Variants in CAMTA1 observed in about 807,000 individuals in gnomAD.
CAMTA1 encodes calmodulin-binding transcription activator 1.
In CAMTA1, 27 loss-of-function variants were observed where a neutral mutation model predicts 170.9. That is an observed-to-expected ratio of 0.16 (90% CI 0.12 to 0.22). CAMTA1 has a LOEUF of 0.22. CAMTA1 is among the 10% of genes least tolerant of loss of function. The probability of loss-of-function intolerance (pLI) is 1.00; values close to 1 mark genes in which losing one functional copy is unlikely to be tolerated. For missense variants in CAMTA1, 1,619 were observed against 2,217.2 expected (o/e 0.73, Z 5.42); for synonymous variants, 833 against 891.5 (o/e 0.93, Z 1.17).
chr1:6,871,610 T>C, intron 3 of CAMTA1: 1 of 575,358 alleles, frequency 1.7e-6, no homozygotes, highest in South Asian at 2.8e-5. Flanking sequence ...TAACAGGTAA[T>C]GAAAGTGTGG....
intron 4 of CAMTA1, among the ~76,000 whole-genome samples, chr1:7,207,988 A>G (rs574983985): frequency 5.7e-4 from 87 of 152,380 alleles, no homozygotes; most frequent in African/African-American, 1.9e-3. Flanking sequence ...TCCATGCTCA[A>G]TAAAATGCCA....
intron 6 of CAMTA1, among the ~76,000 whole-genome samples, chr1:7,510,067 C>T (rs2094182009): frequency 9.2e-6 from 1 of 109,204 alleles, no homozygotes; most frequent in Non-Finnish European, 2.2e-5. Flanking sequence ...TGTACAAGCT[C>T]CTGACCCAGT....
intron 6 of CAMTA1, among the ~76,000 whole-genome samples, chr1:7,481,662 C>A (rs2093536906): frequency 1.3e-5 from 2 of 152,320 alleles, no homozygotes; most frequent in South Asian, 4.1e-4. Flanking sequence ...AACATTTGAC[C>A]ATATCATTTG....
At chr1:6,950,551 C>T (rs778654809) in intron 3 of CAMTA1, among the ~76,000 whole-genome samples, 1 of 152,144 alleles carries the variant, frequency 6.6e-6, no homozygotes, top group South Asian at 2.1e-4. Flanking sequence ...ATGCTCACTG[C>T]AGGTGGGTGG....
At chr1:7,309,258 C>T (rs1269794091) in intron 5 of CAMTA1, among the ~76,000 whole-genome samples, 1 of 137,664 alleles carries the variant, frequency 7.3e-6, no homozygotes, top group East Asian at 2.1e-4. Context: ...TTCTGACAAT[C>T]TCTGTCTTTT....
At chr1:7,109,971 C>T (rs1418966131) in intron 4 of CAMTA1, among the ~76,000 whole-genome samples, 1 of 152,176 alleles carries the variant, frequency 6.6e-6, no homozygotes, top group Non-Finnish European at 1.5e-5. Flanking sequence ...GCAGATTTGG[C>T]CTCAGTGGCT....
chr1:7,290,006 C>G (rs751411047), intron 5 of CAMTA1, among the ~76,000 whole-genome samples: 8 of 152,226 alleles, frequency 5.3e-5, no homozygotes, highest in Non-Finnish European at 1.2e-4. Context: ...AGACTTCTGG[C>G]ATCCAGAACT....
rs2095505802 is a variant in CAMTA1, at chr1:7,609,063, G to C, written c.511-31337G>C. On this transcript the variant is annotated intron_variant, in intron 6 of 22. Coordinates refer to ENST00000303635, the MANE Select transcript of CAMTA1 (RefSeq NM_015215.4). This position sits in a 1 kb window ranked among gnomAD's most constrained non-coding sequence, Gnocchi z 4.4. Reference sequence around the variant, plus strand: ...TGCAGGCTGGGCCCCCCGCAGGGGTGGGGGCAGTGCTGAGTCACTTCCTGC... The same window carrying C: ...TGCAGGCTGGGCCCCCCGCAGGGGTCGGGGCAGTGCTGAGTCACTTCCTGC... Among the ~76,000 whole-genome samples, 1 of 152,114 alleles carries C rather than the reference G, an allele frequency of 6.6e-6. No homozygotes were observed.
chr1:6,850,519 G>A (rs990586349), intron 3 of CAMTA1, among the ~76,000 whole-genome samples: 4 of 152,170 alleles, frequency 2.6e-5, no homozygotes, highest in African/African-American at 9.7e-5. Flanking sequence ...TTTTCTGGTT[G>A]ATGATAGACT....
At chr1:7,301,020 T>C (rs1334473471) in intron 5 of CAMTA1, among the ~76,000 whole-genome samples, 1 of 152,172 alleles carries the variant, frequency 6.6e-6, no homozygotes, top group Non-Finnish European at 1.5e-5. Flanking sequence ...CGGTATTAAA[T>C]GCACTTTCTA....
At chr1:7,692,495 T>A (rs1472880250) in intron 11 of CAMTA1, among the ~76,000 whole-genome samples, 3 of 151,986 alleles carry the variant, frequency 2.0e-5, no homozygotes, top group Non-Finnish European at 4.4e-5. Context: ...CAGTCCCACA[T>A]TAGCCTGGTG....
intron 7 of CAMTA1, among the ~76,000 whole-genome samples, chr1:7,643,083 C>T (rs139254909): frequency 6.6e-6 from 1 of 152,012 alleles, no homozygotes; most frequent in Non-Finnish European, 1.5e-5. Context: ...AAAGGGTGAC[C>T]AGGGTCCAGG....
intron 7 of CAMTA1, among the ~76,000 whole-genome samples, chr1:7,658,221 C>T (rs1312905539): frequency 6.6e-6 from 1 of 152,224 alleles, no homozygotes; most frequent in African/African-American, 2.4e-5. Context: ...CAAGGGGCAC[C>T]TGCTCCGAGT....
chr1:7,118,203 C>T (rs1644445183), intron 4 of CAMTA1, among the ~76,000 whole-genome samples: 1 of 151,936 alleles, frequency 6.6e-6, no homozygotes, highest in Admixed American at 6.6e-5. Context: ...CTTCTTGTCA[C>T]CTGAGGGCAT....
chr1:7,206,751 T>C (rs1204571248), intron 4 of CAMTA1, among the ~76,000 whole-genome samples: 1 of 152,246 alleles, frequency 6.6e-6, no homozygotes, highest in Non-Finnish European at 1.5e-5. Flanking sequence ...GGAGCCTCTG[T>C]TGCTTCACAT....
chr1:7,567,772 G>C (rs528488137), intron 6 of CAMTA1, among the ~76,000 whole-genome samples: 15 of 152,310 alleles, frequency 9.8e-5, no homozygotes, highest in Admixed American at 9.8e-4. Flanking sequence ...TGGACTTCAA[G>C]TCTGTGCCAT....
intron 3 of CAMTA1, among the ~76,000 whole-genome samples, chr1:7,053,370 G>A (rs572178771): frequency 6.6e-5 from 10 of 152,248 alleles, no homozygotes; most frequent in South Asian, 2.1e-4. Context: ...CTGTCTTCTC[G>A]CGGCGAGGTG....
chr1:7,642,145 C>G lies in CAMTA1; in HGVS notation c.664+1592C>G, dbSNP rs143859758. 4.8e-3 allele frequency among the ~76,000 whole-genome samples: 731 copies of G among 152,288 alleles called. 6 individuals carry two copies. Among genetic ancestry groups the G allele is most frequent in the African/African-American group, 0.017 (708 of 41,548 alleles). On this transcript the variant is annotated intron_variant, in intron 7 of 22. Transcript: ENST00000303635. This position sits in a 1 kb window ranked among gnomAD's most constrained non-coding sequence, Gnocchi z 6.3. ...GGCCTTCACACCCCTGTGCCCTGGC[C>G]TCCTCGAGCCCCCACGGGGGAGATG...
intron 5 of CAMTA1, among the ~76,000 whole-genome samples, chr1:7,389,029 G>A (rs780132070): frequency 1.3e-5 from 2 of 152,228 alleles, no homozygotes; most frequent in Non-Finnish European, 2.9e-5. Context: ...CACTGAGTAG[G>A]CACTGCACGG....
Sources: gnomAD v4.1 joint callset for allele counts (sites outside exome capture counted in the v4.1 genomes callset) on GRCh38, gnomAD v4.1.1 for gene constraint, Gnocchi (gnomAD v3.1) non-coding constraint, MANE v1.5 for transcripts, NCBI Gene and HGNC (gene_info 2026-07-23, HGNC 2026-07-21) for gene names.